The following ATRX variants were observed in gnomAD, a reference collection of about 807,000 sequenced individuals.
The protein encoded by ATRX is chromatin remodeler ATRX.
In ATRX, 12 loss-of-function variants were observed where a neutral mutation model predicts 172.6. The ratio of observed to expected loss-of-function variants is 0.07; its 90% CI spans 0.04 to 0.11. The LOEUF (loss-of-function observed/expected upper bound fraction) is 0.11. ATRX is among the 10% of genes least tolerant of loss of function. The pLI is 1.00. For synonymous variants in ATRX, 674 were observed against 594.7 expected, an observed-to-expected ratio of 1.13 and a Z score of -1.94; for missense variants, 1,368 against 1,767.4, an observed-to-expected ratio of 0.77 and a Z score of 4.05.
At chrX:77,627,016 G>A (rs939328660) in intron 19 of ATRX, among the ~76,000 whole-genome samples, 3 of 111,026 alleles carry the variant, frequency 2.7e-5, no homozygotes, top group Non-Finnish European at 5.7e-5. Flanking sequence ...ACGAGGTCAG[G>A]AGATAGAGAC....
chrX:77,648,534 A>G (rs2069032032), intron 15 of ATRX, among the ~76,000 whole-genome samples: 1 of 111,251 alleles, frequency 9.0e-6, no homozygotes, highest in Non-Finnish European at 1.9e-5. Flanking sequence ...AAGTCCAAAG[A>G]AGGATAAACA....
At chrX:77,712,394 G>A (rs1256447124) in intron 2 of ATRX, among the ~76,000 whole-genome samples, 1 of 112,322 alleles carries the variant, frequency 8.9e-6, no homozygotes, top group Non-Finnish European at 1.9e-5. Context: ...ACAGGACTCC[G>A]ACAACGTAAC....
chrX:77,777,254 G>C (rs901271262), intron 1 of ATRX, among the ~76,000 whole-genome samples: 3 of 96,228 alleles, frequency 3.1e-5, no homozygotes, highest in African/African-American at 8.1e-5. Flanking sequence ...GGTGGCAAAT[G>C]CCTGAAATCC....
chrX:77,762,343 C>T (rs1557193264), intron 1 of ATRX, among the ~76,000 whole-genome samples: 2 of 105,194 alleles, frequency 1.9e-5, no homozygotes, highest in East Asian at 6.1e-4. Flanking sequence ...CACATTGACT[C>T]ACTAGAAGAG....
intron 1 of ATRX, among the ~76,000 whole-genome samples, chrX:77,750,782 T>C (rs1339540180): frequency 9.0e-6 from 1 of 110,768 alleles, no homozygotes; most frequent in Non-Finnish European, 1.9e-5. Flanking sequence ...GTGCAGTGTT[T>C]GGTTTTCTGT....
At chrX:77,549,429 T>C (rs1477171032) in intron 30 of ATRX, among the ~76,000 whole-genome samples, 2 of 111,951 alleles carry the variant, frequency 1.8e-5, no homozygotes, top group Non-Finnish European at 3.8e-5. Flanking sequence ...ATCTCTGATA[T>C]CTGTATAATT....
chrX:77,707,735 G>A, intron 2 of ATRX, among the ~76,000 whole-genome samples: 1 of 111,587 alleles, frequency 9.0e-6, no homozygotes, highest in African/African-American at 3.3e-5. Flanking sequence ...AAACAGAGCA[G>A]GACCCTGTCA....
In ATRX at chrX:77,507,108, A is replaced by T. The variant is rs1415022201; in HGVS notation, c.*1243T>A. 2 of 169,581 alleles carry T rather than the reference A, an allele frequency of 1.2e-5. No homozygotes were observed. Among genetic ancestry groups the T allele is most frequent in the African/African-American group, 6.1e-5 (2 of 33,025 alleles). 14.0% of individuals were successfully genotyped at this position (169,581 alleles called of 1,213,427 possible). A position where few individuals can be genotyped will look rare whatever the true frequency, so the allele number is the denominator to read the frequency against. On this transcript the variant is annotated 3_prime_UTR_variant, in exon 35 of 35. Coordinates refer to ENST00000373344, the MANE Select transcript of ATRX (RefSeq NM_000489.6). Reference sequence around the variant, plus strand: ...ATTAAGAAAAAATAAAATGTAATACATTTTCTAGTAAAACTTCTAGTAAAG... The same window carrying T: ...ATTAAGAAAAAATAAAATGTAATACTTTTTCTAGTAAAACTTCTAGTAAAG...
intron 7 of ATRX, among the ~76,000 whole-genome samples, chrX:77,685,305 A>G (rs782431329): frequency 3.9e-4 from 44 of 112,244 alleles, no homozygotes; most frequent in African/African-American, 1.4e-3. Flanking sequence ...ATGGATTAAT[A>G]ACCACAATAT....
At chrX:77,544,974 C>T (rs2147876116) in intron 30 of ATRX, among the ~76,000 whole-genome samples, 1 of 111,575 alleles carries the variant, frequency 9.0e-6, no homozygotes, top group African/African-American at 3.3e-5. Context: ...CATGAACAGA[C>T]ACTTCTCAAA....
At chrX:77,587,103 ATAAGT>A (rs1207058314) in intron 27 of ATRX, among the ~76,000 whole-genome samples, 1 of 111,355 alleles carries the variant, frequency 9.0e-6, no homozygotes, top group Non-Finnish European at 1.9e-5. Context: ...AAATGATTAA[ATAAGT>A]TATGTACAGC....
At chrX:77,775,495 C>A (rs1452244359) in intron 1 of ATRX, among the ~76,000 whole-genome samples, 1 of 110,081 alleles carries the variant, frequency 9.1e-6, no homozygotes, top group Non-Finnish European at 1.9e-5. Flanking sequence ...CCAGCCTGGG[C>A]AACATGGCAA....
intron 1 of ATRX, among the ~76,000 whole-genome samples, chrX:77,753,358 TTTC>T (rs1402699553): frequency 1.8e-5 from 2 of 111,560 alleles, no homozygotes; most frequent in East Asian, 5.6e-4. Context: ...TCTTCTCTCT[TTTC>T]TTCTTTATTA....
chrX:77,712,797 C>G (rs1233972019), intron 2 of ATRX, among the ~76,000 whole-genome samples: 2 of 110,315 alleles, frequency 1.8e-5, no homozygotes, highest in African/African-American at 3.3e-5. Context: ...CCACTGCACT[C>G]CAGCCTGTGT....
intron 30 of ATRX, among the ~76,000 whole-genome samples, chrX:77,545,661 C>T (rs1245301269): frequency 1.8e-5 from 2 of 111,102 alleles, no homozygotes; most frequent in Non-Finnish European, 3.8e-5. Flanking sequence ...AAAAGAAAAG[C>T]TAAAAGATAT....
intron 1 of ATRX, among the ~76,000 whole-genome samples, chrX:77,773,911 T>C (rs1284734087): frequency 1.8e-5 from 2 of 111,375 alleles, no homozygotes; most frequent in Non-Finnish European, 3.8e-5. Flanking sequence ...TCAAATCAAC[T>C]GGCCTGTGTT....
At chrX:77,726,814 A>G (rs1194156528) in intron 1 of ATRX, among the ~76,000 whole-genome samples, 2 of 108,851 alleles carry the variant, frequency 1.8e-5, no homozygotes, top group African/African-American at 3.4e-5. Context: ...CCAGTTTTAA[A>G]TCCTAATGTC....
Position 77,682,594 on chromosome X carries a change from A to T in ATRX, c.2662T>A (p.Phe888Ile), listed in dbSNP as rs2148591891. ...TCAACTGTGCCTTCTGCTGAAGAGA[A>T]AGTCTCTCTCTCTTGTTTTCTTTCA... ...DAERKQERET[F>I]SSAEGTVDKD... Residue 888 changes from phenylalanine to isoleucine, a missense_variant, in exon 9 of 35, where the codon TTC becomes ATC. Around this residue, in one of 17 missense-constraint regions of ATRX, gnomAD observed 843 missense variants for 643.1 expected, o/e 1.31. Coordinates refer to ENST00000373344, the MANE Select transcript of ATRX (RefSeq NM_000489.6). The T allele has an allele frequency of 8.3e-7, 1 of 1,209,944 alleles. No homozygotes were observed. The highest frequency in any genetic ancestry group is 3.0e-5 in the East Asian group (1 of 33,823).
chrX:77,594,666 T>C (rs2066408057), intron 25 of ATRX: 1 of 112,143 alleles, frequency 8.9e-6, no homozygotes, highest in African/African-American at 3.2e-5. Flanking sequence ...CTGTTAAAAC[T>C]TCGGATGAAG....
Sources: allele counts gnomAD v4.1 joint callset (sites outside exome capture counted in the v4.1 genomes callset), GRCh38; gene constraint gnomAD v4.1.1; regional missense constraint gnomAD v4.1.1; transcripts MANE v1.5; gene names NCBI Gene and HGNC (gene_info 2026-07-23, HGNC 2026-07-21).